Variants in SCEL observed in about 807,000 individuals in gnomAD.
SCEL encodes the protein sciellin.
In SCEL, 113 loss-of-function variants were observed where a neutral mutation model predicts 117.6. The observed-to-expected ratio is 0.96, with a 90% CI of 0.83 to 1.12. SCEL has a LOEUF of 1.12. Ranked by LOEUF, SCEL falls within the 50% of genes most tolerant of loss-of-function variation. The pLI is 0.00. For synonymous variants in SCEL, 270 were observed against 256.2 expected (o/e 1.05, Z -0.51); for missense variants, 785 against 810.8 (o/e 0.97, Z 0.39).
intron 5 of SCEL, among the ~76,000 whole-genome samples, chr13:77,566,511 C>T (rs2085301676): frequency 6.7e-6 from 1 of 149,960 alleles, no homozygotes; most frequent in African/African-American, 2.4e-5. Context: ...GATGAACACA[C>T]CTTTTCTAGA....
intron 1 of SCEL, among the ~76,000 whole-genome samples, chr13:77,552,264 C>T (rs1293575992): frequency 2.0e-5 from 3 of 148,666 alleles, no homozygotes; most frequent in Admixed American, 6.7e-5. Flanking sequence ...CCTGAGGAAT[C>T]GCCACACTGA....
At chr13:77,543,107 G>T (rs1476200981) in intron 1 of SCEL, among the ~76,000 whole-genome samples, 1 of 131,866 alleles carries the variant, frequency 7.6e-6, no homozygotes, top group African/African-American at 2.9e-5. Flanking sequence ...TTTTTGAGAC[G>T]GAGTCTCGCT....
intron 11 of SCEL, among the ~76,000 whole-genome samples, chr13:77,593,302 G>GTGTGCGCGCGCGTC (rs2087022408): frequency 6.8e-6 from 1 of 147,186 alleles, no homozygotes; most frequent in Non-Finnish European, 1.5e-5. Context: ...GTGTGTCTGT[G>GTGTGCGCGCGCGTC]TGTGTGTGTG....
intron 12 of SCEL, among the ~76,000 whole-genome samples, chr13:77,595,676 G>A (rs756759196): frequency 2.0e-5 from 3 of 152,136 alleles, no homozygotes; most frequent in Non-Finnish European, 4.4e-5. Flanking sequence ...AGAGTTAGTG[G>A]GTAGAATATC....
intron 9 of SCEL, among the ~76,000 whole-genome samples, chr13:77,578,698 C>G (rs1435898780): frequency 6.6e-6 from 1 of 152,082 alleles, no homozygotes; most frequent in African/African-American, 2.4e-5. Flanking sequence ...ATGGTAATGC[C>G]ACTAATCAAT....
At chr13:77,591,516 C>A in intron 11 of SCEL, 56 bp downstream of exon 11, 5 of 990,888 alleles carry the variant, frequency 5.0e-6, no homozygotes, top group Non-Finnish European at 7.7e-6. Context: ...AGTATGCTTT[C>A]TCAGCACATT....
rs2083910307 is a variant in SCEL, at chr13:77,544,929, G to C, written c.-20+9105G>C. ...CAGCAGATAAAAACTAGCTCTTTCT[G>C]GTGTTTGGCCACAAAGAGGAAATGA... is the stretch of plus-strand genomic sequence containing the variant. On this transcript the variant is annotated intron_variant, in intron 1 of 32. Transcript: ENST00000349847. 2.0e-5 allele frequency among the ~76,000 whole-genome samples: 3 copies of C among 152,108 alleles called. No homozygotes were observed. In the South Asian group the frequency reaches 6.2e-4, roughly 32 times the overall value.
intron 1 of SCEL, among the ~76,000 whole-genome samples, chr13:77,549,537 C>T (rs2084185878): frequency 6.6e-6 from 1 of 152,180 alleles, no homozygotes; most frequent in African/African-American, 2.4e-5. Flanking sequence ...ATCCTTGCAA[C>T]TCTCATTCTG....
chr13:77,545,095 G>A lies in SCEL; in HGVS notation c.-20+9271G>A, dbSNP rs564858547. Among the ~76,000 whole-genome samples, 11 of 152,260 alleles carry A rather than the reference G, an allele frequency of 7.2e-5. 1 individual carries two copies. The highest frequency in any genetic ancestry group is 2.2e-4 in the African/African-American group (9 of 41,552). ...TACTTCCCAGCATAAGAGAGACAGC[G>A]TTCACACATCTTTTGTCATAATATT... On this transcript the variant is annotated intron_variant, in intron 1 of 32. Transcript: ENST00000349847.
At chr13:77,580,940 C>T (rs2086230264) in intron 9 of SCEL, among the ~76,000 whole-genome samples, 1 of 151,986 alleles carries the variant, frequency 6.6e-6, no homozygotes, top group African/African-American at 2.4e-5. Flanking sequence ...AAAAAAATAT[C>T]CTGATTGAGA....
chr13:77,618,586 C>T lies in SCEL; in HGVS notation c.1628+526C>T, dbSNP rs528982561. 2.6e-5 allele frequency among the ~76,000 whole-genome samples: 4 copies of T among 152,178 alleles called. No individual in the cohort carries two copies. In the East Asian group the frequency reaches 5.8e-4, roughly 22 times the overall value. The stretch of plus-strand genomic sequence containing the variant: ...ATGAGGCTACATTTATGACCCATCC[C>T]ATGTGACTCCTGTCAACAAGGAAAC... On this transcript the variant is annotated intron_variant, in intron 27 of 32. Transcript: ENST00000349847.
At chr13:77,561,376 T>C (rs1231984728) in intron 4 of SCEL, among the ~76,000 whole-genome samples, 3 of 152,232 alleles carry the variant, frequency 2.0e-5, no homozygotes, top group Admixed American at 1.3e-4. Flanking sequence ...GTGGCCAACA[T>C]TGTGGCTAAA....
chr13:77,600,423 C>T (rs895957341), intron 15 of SCEL, among the ~76,000 whole-genome samples: 3 of 152,144 alleles, frequency 2.0e-5, no homozygotes, highest in Non-Finnish European at 2.9e-5. Context: ...GCCACCACGC[C>T]CGGCCACCAC....
chr13:77,607,909 C>T, intron 19 of SCEL, 147 bp from the exon 20 acceptor site: 1 of 548,992 alleles, frequency 1.8e-6, no homozygotes, highest in Non-Finnish European at 3.2e-6. Flanking sequence ...AGTCACCTTT[C>T]ACAATCTTCA....
chr13:77,577,492 A>G (rs1049421667), intron 9 of SCEL, among the ~76,000 whole-genome samples: 1 of 152,064 alleles, frequency 6.6e-6, no homozygotes, highest in African/African-American at 2.4e-5. Flanking sequence ...CCATGATCCA[A>G]TCACCTCCAC....
intron 9 of SCEL, among the ~76,000 whole-genome samples, chr13:77,576,894 T>C (rs1281675715): frequency 6.6e-6 from 1 of 152,154 alleles, no homozygotes; most frequent in Admixed American, 6.5e-5. Context: ...ATTCTCTTTA[T>C]AGCAATTGTG....
At chr13:77,603,175 G>C in intron 18 of SCEL, 40 bp downstream of exon 18, 1 of 1,237,622 alleles carries the variant, frequency 8.1e-7, no homozygotes, top group South Asian at 1.4e-5. Flanking sequence ...TTTCTGTTAA[G>C]TGTCAATCAG....
At chr13:77,602,035 TTCTC>T (rs2087743517) in intron 15 of SCEL, 26 bp from the exon 16 acceptor site, 1 of 1,585,076 alleles carries the variant, frequency 6.3e-7, no homozygotes, top group African/African-American at 1.4e-5. Flanking sequence ...CACTCTCTCT[TTCTC>T]TTTCTTTTCC....
In SCEL at chr13:77,644,471, T is replaced by C; in HGVS notation, c.*197T>C. 1 of 555,848 alleles carries C rather than the reference T, an allele frequency of 1.8e-6. No homozygotes were observed. Among genetic ancestry groups the C allele is most frequent in the Admixed American group, 3.1e-5 (1 of 31,918 alleles). The allele number at this position is 555,848 out of a possible 1,614,324, so 34.4% of individuals were successfully genotyped here. A position where few individuals can be genotyped will look rare whatever the true frequency, so the allele number is the denominator to read the frequency against. On this transcript the variant is annotated 3_prime_UTR_variant, in exon 33 of 33. Coordinates refer to ENST00000349847, the MANE Select transcript of SCEL (RefSeq NM_144777.3). ...CACATAAAAAGAGCCATCTGGTCTC[T>C]GGCTAGAGTTAGCAATAAAAAGTTC...
Sources: allele counts gnomAD v4.1 joint callset (sites outside exome capture counted in the v4.1 genomes callset), GRCh38; gene constraint gnomAD v4.1.1; transcripts MANE v1.5; gene names NCBI Gene and HGNC (gene_info 2026-07-23, HGNC 2026-07-21).